The following UGT2B28 variants were observed in gnomAD, a reference collection of about 807,000 sequenced individuals.
UGT2B28 encodes UDP glucuronosyltransferase family 2 member B28, also known as UDP-glucuronosyltransferase 2B28.
Under a neutral mutation model 43.6 loss-of-function variants are expected in UGT2B28, and 45 were observed. That is an observed-to-expected ratio of 1.03 (90% CI 0.81 to 1.32). The LOEUF is 1.32. UGT2B28 is among the 40% of genes most tolerant of loss of function. The probability of loss-of-function intolerance (pLI) is 0.00; values close to 1 mark genes in which losing one functional copy is unlikely to be tolerated. For missense variants in UGT2B28, 649 were observed against 625.5 expected, an observed-to-expected ratio of 1.04 and a Z score of -0.40; for synonymous variants, 204 against 208.1, an observed-to-expected ratio of 0.98 and a Z score of 0.17.
intron 3 of UGT2B28, among the ~76,000 whole-genome samples, chr4:69,288,481 C>T (rs1315159577): frequency 1.4e-5 from 2 of 139,472 alleles, no homozygotes; most frequent in African/African-American, 2.8e-5. Context: ...ATAAAACAAA[C>T]ATATAGGTCA....
Position 69,289,731 on chromosome 4 carries a change from A to T in UGT2B28, c.1069A>T (p.Ile357Leu). 6.4e-7 allele frequency: 1 copy of T among 1,559,812 alleles called. No individual in the cohort carries two copies. Among genetic ancestry groups the T allele is most frequent in the East Asian group, 2.3e-5 (1 of 43,420 alleles). The change falls in exon 4 of 6, where the codon ATA becomes TTA. Residue 357 changes from isoleucine (I) to leucine (L), a missense_variant. Ile to Leu is a conservative substitution (Grantham distance 5). Transcript: ENST00000335568. ...TCTCAATACTCGGCTGTATAAGTGGATACCCCAGAATGACCTTCTAGGTAA... is the reference window on the plus strand; with the variant it reads ...TCTCAATACTCGGCTGTATAAGTGGTTACCCCAGAATGACCTTCTAGGTAA... ...LGLNTRLYKW[I>L]PQNDLLGLPK... is the part of the protein sequence containing the mutation.
chr4:69,283,885 C>T (rs4295327), intron 2 of UGT2B28, among the ~76,000 whole-genome samples: 63,235 of 138,508 alleles, frequency 0.46, 20,080 homozygotes, highest in Non-Finnish European at 0.53. Flanking sequence ...TAAAATGAGC[C>T]AGTTGAAATT....
At chr4:69,283,075 T>C (rs1313307825) in intron 2 of UGT2B28, among the ~76,000 whole-genome samples, 1 of 140,498 alleles carries the variant, frequency 7.1e-6, no homozygotes, top group East Asian at 2.0e-4. Context: ...CTAATGAAAA[T>C]GTTTTAAAAA....
At chr4:69,290,199 T>A (rs1270910841) in intron 4 of UGT2B28, among the ~76,000 whole-genome samples, 1 of 140,184 alleles carries the variant, frequency 7.1e-6, no homozygotes, top group African/African-American at 2.8e-5. Flanking sequence ...AAGTGTAACC[T>A]GTCTTTCCTC....
intron 5 of UGT2B28, among the ~76,000 whole-genome samples, chr4:69,294,200 C>A (rs1429879635): frequency 1.5e-5 from 2 of 137,818 alleles, no homozygotes; most frequent in African/African-American, 2.9e-5. Flanking sequence ...TCTCATGTAC[C>A]CCATAAATAT....
intron 5 of UGT2B28, 86 bp from the exon 6 acceptor site, chr4:69,294,444 G>A: frequency 8.0e-7 from 1 of 1,247,386 alleles, no homozygotes; most frequent in South Asian, 2.3e-5. Flanking sequence ...TGAATTATTT[G>A]ACACTTTAAA....
chr4:69,294,771 A>G lies in UGT2B28; in HGVS notation c.1552A>G (p.Lys518Glu). The G allele has an allele frequency of 1.9e-6, 3 of 1,558,590 alleles. No individual in the cohort carries two copies. The highest frequency in any genetic ancestry group is 2.6e-6 in the Non-Finnish European group (3 of 1,154,840). The change falls in exon 6 of 6, where the codon AAG becomes GAG. Residue 518 changes from lysine (K) to glutamate (E), a missense_variant. Coordinates refer to ENST00000335568, the MANE Select transcript of UGT2B28 (RefSeq NM_053039.2). ...VTKFCLFCFWKFARKGKKGKR... is the reference protein window; with the variant it reads ...VTKFCLFCFWEFARKGKKGKR... ...AAAGTTTTGTCTGTTTTGTTTCTGG[A>G]AGTTTGCTAGAAAAGGGAAGAAGGG...
chr4:69,290,221 C>A (rs1577996447), intron 4 of UGT2B28, among the ~76,000 whole-genome samples: 1 of 139,960 alleles, frequency 7.1e-6, no homozygotes, highest in Non-Finnish European at 1.5e-5. Context: ...ATCCTAGCAC[C>A]ACCACCAACC....
At chr4:69,284,754 T>A (rs1723719837) in intron 2 of UGT2B28, among the ~76,000 whole-genome samples, 1 of 141,156 alleles carries the variant, frequency 7.1e-6, no homozygotes, top group Admixed American at 7.1e-5. Context: ...GTTATTTAAC[T>A]GTTTATTATG....
Position 69,290,730 on chromosome 4 carries a change from G to A in UGT2B28, c.1229G>A (p.Gly410Glu). ...PDNIAHMKAK[G>E]AAVRLDFHTM... is the part of the protein sequence containing the mutation. The stretch of plus-strand genomic sequence containing the variant: ...AACATTGCTCACATGAAGGCCAAGG[G>A]AGCAGCTGTTAGACTGGACTTCCAC... Residue 410 changes from glycine (G) to glutamate (E), a missense_variant, in exon 5 of 6, where the codon GGA becomes GAA. Coordinates refer to ENST00000335568, the MANE Select transcript of UGT2B28 (RefSeq NM_053039.2). The A allele has an allele frequency of 1.3e-6, 2 of 1,559,558 alleles. 1 individual carries two copies. Among genetic ancestry groups the A allele is most frequent in the Non-Finnish European group, 1.7e-6 (2 of 1,155,276 alleles).
Position 69,290,530 on chromosome 4 carries a change from A to C in UGT2B28, c.1091-62A>C. The C allele has an allele frequency of 6.6e-6, 10 of 1,525,130 alleles. 1 individual carries two copies. In the Middle Eastern group the frequency reaches 5.6e-4, roughly 85 times the overall value. 94.5% of individuals were successfully genotyped at this position (1,525,130 alleles called of 1,614,324 possible). A position where few individuals can be genotyped will look rare whatever the true frequency, so the allele number is the denominator to read the frequency against. On this transcript the variant is annotated intron_variant, in intron 4 of 5. Coordinates refer to ENST00000335568, the MANE Select transcript of UGT2B28 (RefSeq NM_053039.2). ...TAGAAAACACTGTCACTTTCAGAGC[A>C]TTTCATTGTGTATCGCATTTTATTC...
Position 69,280,863 on chromosome 4 carries a change from C to A in UGT2B28, c.363C>A (p.Asp121Glu). Residue 121 changes from aspartate (D) to glutamate (E), a missense_variant, in exon 1 of 6, where the codon GAC becomes GAA. Asp to Glu is a conservative substitution (Grantham distance 45). Transcript: ENST00000335568. ...AAGAAATCCTGTGGGAATTTCATGA[C>A]ATATTTAGAAACTTCTGTAAAGATG... ...QEQEILWEFH[D>E]IFRNFCKDVV... 1 of 1,558,848 alleles carries A rather than the reference C, an allele frequency of 6.4e-7. No homozygotes were observed. The highest frequency in any genetic ancestry group is 8.7e-7 in the Non-Finnish European group (1 of 1,155,408).
At position 69,283,964 on chromosome 4, in the gene UGT2B28, C is replaced by T. The variant is rs545743910; in HGVS notation, c.870+1302C>T. On this transcript the variant is annotated intron_variant, in intron 2 of 5. Transcript: ENST00000335568. ...AGCATAAAACACTTCCTCAACAATACAAATGTGTGCCTTAAATATGTGCAG... is the reference window on the plus strand; with the variant it reads ...AGCATAAAACACTTCCTCAACAATATAAATGTGTGCCTTAAATATGTGCAG... 4.3e-5 allele frequency among the ~76,000 whole-genome samples: 6 copies of T among 140,868 alleles called. 1 individual carries two copies. The highest frequency in any genetic ancestry group is 2.8e-4 in the Admixed American group (4 of 14,122). 92.4% of individuals were successfully genotyped at this position (140,868 alleles called of 152,430 possible). A position where few individuals can be genotyped will look rare whatever the true frequency, so the allele number is the denominator to read the frequency against.
rs746165660 is a variant in UGT2B28 at position 69,280,989 on chromosome 4, A to G, written c.489A>G (p.Leu163=). Reference sequence around the variant, plus strand: ...CTTGTGGTGAGCTGCTGGCTGCGCTACTTAACATACCGTTTGTGTACAGTC... The same window carrying G: ...CTTGTGGTGAGCTGCTGGCTGCGCTGCTTAACATACCGTTTGTGTACAGTC... ...FFPCGELLAA[L]LNIPFVYSLC... The change falls in exon 1 of 6, where the codon CTA becomes CTG. Residue 163 remains leucine (L), a synonymous_variant. Coordinates refer to ENST00000335568, the MANE Select transcript of UGT2B28 (RefSeq NM_053039.2). 1 of 1,560,154 alleles carries G rather than the reference A, an allele frequency of 6.4e-7. No homozygotes were observed. The highest frequency in any genetic ancestry group is 8.7e-7 in the Non-Finnish European group (1 of 1,155,646).
rs746445347 is a variant in UGT2B28 at position 69,281,245 on chromosome 4, C to A, written c.721+24C>A. 4.1e-6 allele frequency: 6 copies of A among 1,469,636 alleles called. 1 individual carries two copies. The South Asian group carries it at 4.5e-5, about 11-fold the overall frequency. The allele number at this position is 1,469,636 out of a possible 1,614,324, so 91.0% of individuals were successfully genotyped here. A position where few individuals can be genotyped will look rare whatever the true frequency, so the allele number is the denominator to read the frequency against. On this transcript the variant is annotated intron_variant, in intron 1 of 5. Coordinates refer to ENST00000335568, the MANE Select transcript of UGT2B28 (RefSeq NM_053039.2). ...AGGTAAGAATTTGTTTAATCGGGAA[C>A]TTGAAGATCTAACTTATTTGTGTCT...
rs561719036 is a variant in UGT2B28, at chr4:69,294,813, T to C, written c.*4T>C. The stretch of plus-strand genomic sequence containing the variant: ...GAAGAAGGGAAAAAGAGATTAGTTA[T>C]GTCTGACATTTGAAGCTGGAAAACC... On this transcript the variant is annotated 3_prime_UTR_variant, in exon 6 of 6. Transcript: ENST00000335568. The C allele has an allele frequency of 2.1e-5, 33 of 1,542,436 alleles. 5 individuals are homozygous for C. Among genetic ancestry groups the C allele is most frequent in the Non-Finnish European group, 2.7e-5 (31 of 1,147,598 alleles).
chr4:69,288,347 G>A lies in UGT2B28; in HGVS notation c.1003-1318G>A, dbSNP rs548338186. 6.8e-4 allele frequency among the ~76,000 whole-genome samples: 94 copies of A among 138,738 alleles called. 20 individuals carry two copies. The highest frequency in any genetic ancestry group is 2.6e-3 in the African/African-American group (93 of 35,512). 91.0% of individuals were successfully genotyped at this position (138,738 alleles called of 152,430 possible). ...TAGACTTGCTATTTTGTCAATCAAA[G>A]GACAACAGGCTCTAATATAATAACC... On this transcript the variant is annotated intron_variant, in intron 3 of 5. Transcript: ENST00000335568.
At chr4:69,287,123 G>A (rs1202266797) in intron 3 of UGT2B28, among the ~76,000 whole-genome samples, 1 of 138,986 alleles carries the variant, frequency 7.2e-6, no homozygotes, top group Non-Finnish European at 1.5e-5. Flanking sequence ...ACTACCAGTG[G>A]GAACTCAGTA....
intron 3 of UGT2B28, among the ~76,000 whole-genome samples, chr4:69,288,145 C>T (rs1183034875): frequency 1.5e-5 from 1 of 67,882 alleles, no homozygotes; most frequent in Admixed American, 1.5e-4. Context: ...CTCCTCATTT[C>T]TAGGCCAAAA....
Sources: allele counts gnomAD v4.1 joint callset (sites outside exome capture counted in the v4.1 genomes callset), GRCh38; gene constraint gnomAD v4.1.1; transcripts MANE v1.5; gene names NCBI Gene and HGNC (gene_info 2026-07-23, HGNC 2026-07-21).